GRIN2D: variants seen among roughly 807,000 people sequenced by gnomAD.
GRIN2D encodes the protein glutamate ionotropic receptor NMDA type subunit 2D, also known as glutamate receptor ionotropic, NMDA 2D.
In GRIN2D, 37 loss-of-function variants were observed where a neutral mutation model predicts 103.2. That is an observed-to-expected ratio of 0.36 (90% CI 0.28 to 0.47). GRIN2D has a LOEUF of 0.47. Among genes scored for constraint, GRIN2D ranks in the 20% least tolerant of loss-of-function variants. The probability of loss-of-function intolerance (pLI) is 1.00; values close to 1 mark genes in which losing one functional copy is unlikely to be tolerated. For synonymous variants in GRIN2D, 845 were observed against 885.6 expected (o/e 0.95, Z 0.81); for missense variants, 1,557 against 1,910.6 (o/e 0.81, Z 3.45).
chr19:48,435,385 G>A (rs1004334340), intron 11 of GRIN2D, among the ~76,000 whole-genome samples: 1 of 150,352 alleles, frequency 6.7e-6, no homozygotes, highest in Non-Finnish European at 1.5e-5. Flanking sequence ...CGCCTCCCAG[G>A]TTTAAACAAT....
chr19:48,430,265 T>C (rs1971139263), intron 11 of GRIN2D, among the ~76,000 whole-genome samples: 2 of 152,202 alleles, frequency 1.3e-5, no homozygotes, highest in Admixed American at 6.5e-5. Context: ...AGTGGCGTGA[T>C]CTTGGCTCAC....
At chr19:48,429,557 G>A (rs1452767913) in intron 11 of GRIN2D, among the ~76,000 whole-genome samples, 2 of 151,940 alleles carry the variant, frequency 1.3e-5, no homozygotes, top group East Asian at 1.9e-4. Flanking sequence ...CTGCCACCAC[G>A]CCCAGCTAAC....
chr19:48,395,507 T>G (rs1970628290), intron 2 of GRIN2D, among the ~76,000 whole-genome samples: 1 of 151,758 alleles, frequency 6.6e-6, no homozygotes, highest in African/African-American at 2.4e-5. Context: ...GTGTGTGTGT[T>G]GGGAGGTGAG....
intron 11 of GRIN2D, among the ~76,000 whole-genome samples, chr19:48,437,857 T>C (rs781297765): frequency 3.3e-5 from 5 of 152,194 alleles, no homozygotes; most frequent in Non-Finnish European, 5.9e-5. Flanking sequence ...TTCTCGCCTA[T>C]ACTTATATTC....
At chr19:48,409,132 A>G (rs1121845) in intron 4 of GRIN2D, among the ~76,000 whole-genome samples, 43,865 of 151,752 alleles carry the variant, frequency 0.29, 8,141 homozygotes, top group African/African-American at 0.53. Context: ...GAGAGGAGTG[A>G]GGGAAGATCA....
chr19:48,442,038 C>T lies in GRIN2D; in HGVS notation c.2440+82C>T, dbSNP rs575515660. 7.3e-6 allele frequency: 11 copies of T among 1,514,654 alleles called. No individual in the cohort carries two copies. In the African/African-American group the frequency reaches 1.2e-4, roughly 17 times the overall value. The allele number at this position is 1,514,654 out of a possible 1,614,324, so 93.8% of individuals were successfully genotyped here. A position where few individuals can be genotyped will look rare whatever the true frequency, so the allele number is the denominator to read the frequency against. On this transcript the variant is annotated intron_variant, in intron 12 of 13. Transcript: ENST00000263269. This position sits in a 1 kb window ranked among gnomAD's most constrained non-coding sequence, Gnocchi z 7.2. ...TTCCGGGGAAGAAAGGGACAAAGAC[C>T]CGGACACCAGGGTCTGAGGGAGGAA...
chr19:48,399,478 G>C (rs1223923083), intron 3 of GRIN2D, among the ~76,000 whole-genome samples: 1 of 152,228 alleles, frequency 6.6e-6, no homozygotes, highest in South Asian at 2.1e-4. Flanking sequence ...TGAGGCAAGA[G>C]AATTGCTTGA....
chr19:48,398,806 G>T lies in GRIN2D; in HGVS notation c.414G>T (p.Ser138=). The T allele has an allele frequency of 1.4e-6, 2 of 1,451,792 alleles. No individual in the cohort carries two copies. The highest frequency in any genetic ancestry group is 1.3e-5 in the South Asian group (1 of 75,408). The allele number at this position is 1,451,792 out of a possible 1,614,324, so 89.9% of individuals were successfully genotyped here. Residue 138 remains serine (S), a synonymous_variant, in exon 3 of 14, where the codon TCG becomes TCT. Transcript: ENST00000263269. ...TCGACTTCCTGTCGGCGCAGACCTC[G>T]CTGCCCATCGTGGCCGTGCACGGCG... ...PILDFLSAQT[S]LPIVAVHGGA...
intron 11 of GRIN2D, among the ~76,000 whole-genome samples, chr19:48,434,093 C>T (rs995213755): frequency 6.6e-6 from 1 of 151,608 alleles, no homozygotes; most frequent in Non-Finnish European, 1.5e-5. Flanking sequence ...GGACTACAGG[C>T]GCCCGCCACC....
chr19:48,425,846 C>T (rs979339584), intron 11 of GRIN2D, among the ~76,000 whole-genome samples: 2 of 152,040 alleles, frequency 1.3e-5, no homozygotes, highest in African/African-American at 4.8e-5. Context: ...AAGCGTGCAA[C>T]TCATTATTTA....
rs746025205 is a variant in GRIN2D at position 48,443,298 on chromosome 19, G to A, written c.3372G>A (p.Ala1124=). 5.2e-6 allele frequency: 8 copies of A among 1,538,760 alleles called. No homozygotes were observed. The Admixed American group carries it at 9.3e-5, about 18-fold the overall frequency. Residue 1124 remains alanine (A), a synonymous_variant, in exon 14 of 14, where the codon GCG becomes GCA. Transcript: ENST00000263269. This position sits in a 1 kb window ranked among gnomAD's most constrained non-coding sequence, Gnocchi z 8.9. ...AGGACTCGGAGAGCCTGGGCGGCGC[G>A]TCGCTGGGCGGCCTGGAGCCCTGGT... ...DSEDSESLGG[A]SLGGLEPWWF...
chr19:48,398,419 C>T lies in GRIN2D; in HGVS notation c.27C>T (p.Gly9=). 1 of 1,119,342 alleles carries T rather than the reference C, an allele frequency of 8.9e-7. No individual in the cohort carries two copies. Among genetic ancestry groups the T allele is most frequent in the Non-Finnish European group, 1.1e-6 (1 of 916,924 alleles). The allele number at this position is 1,119,342 out of a possible 1,614,324, so 69.3% of individuals were successfully genotyped here. A position where few individuals can be genotyped will look rare whatever the true frequency, so the allele number is the denominator to read the frequency against. ...TGCGCGGCGCCGGTGGCCCCCGCGG[C>T]CCTCGGGGCCCCGCTAAGATGCTGC... is the stretch of plus-strand genomic sequence containing the variant. MRGAGGPR[G]PRGPAKMLLL... is the part of the protein sequence containing the mutation. The change falls in exon 3 of 14, where the codon GGC becomes GGT. Residue 9 remains glycine (G), a synonymous_variant. Coordinates refer to ENST00000263269, the MANE Select transcript of GRIN2D (RefSeq NM_000836.4).
In GRIN2D at chr19:48,443,956, A is replaced by C. The variant is rs1971346673; in HGVS notation, c.*19A>C. ...GGTATGACGCGGCCCCGGGGGCCCC[A>C]CCGCCCCCTTGGTCAGCGCAGGCCA... is the stretch of plus-strand genomic sequence containing the variant. On this transcript the variant is annotated 3_prime_UTR_variant, in exon 14 of 14. Coordinates refer to ENST00000263269, the MANE Select transcript of GRIN2D (RefSeq NM_000836.4). This position sits in a 1 kb window ranked among gnomAD's most constrained non-coding sequence, Gnocchi z 8.9. 5 of 1,373,892 alleles carry C rather than the reference A, an allele frequency of 3.6e-6. No homozygotes were observed. The East Asian group carries it at 1.5e-4, about 42-fold the overall frequency. 85.1% of individuals were successfully genotyped at this position (1,373,892 alleles called of 1,614,324 possible).
intron 11 of GRIN2D, among the ~76,000 whole-genome samples, chr19:48,425,022 TTCTCTC>T (rs111577135): frequency 2.7e-5 from 4 of 148,780 alleles, no homozygotes; most frequent in South Asian, 2.1e-4. Context: ...AGATTCTCTC[TTCTCTC>T]TCTCTCTCTC....
chr19:48,430,343 C>T (rs868314529), intron 11 of GRIN2D, among the ~76,000 whole-genome samples: 20 of 152,160 alleles, frequency 1.3e-4, no homozygotes, highest in African/African-American at 4.1e-4. Context: ...GGACTACAGG[C>T]GTGCGCCACT....
intron 4 of GRIN2D, among the ~76,000 whole-genome samples, chr19:48,411,073 C>T (rs1026856066): frequency 1.3e-5 from 2 of 152,018 alleles, no homozygotes; most frequent in Non-Finnish European, 2.9e-5. Context: ...CTGGGTACAG[C>T]GGCTCGTGCC....
chr19:48,420,782 C>T (rs983382704), intron 10 of GRIN2D, among the ~76,000 whole-genome samples: 6 of 152,064 alleles, frequency 3.9e-5, no homozygotes, highest in East Asian at 1.9e-4. Flanking sequence ...GCCATGATTA[C>T]GCCACAAATA....
intron 11 of GRIN2D, among the ~76,000 whole-genome samples, chr19:48,439,296 C>G (rs1971265453): frequency 6.6e-6 from 1 of 151,988 alleles, no homozygotes; most frequent in South Asian, 2.1e-4. Flanking sequence ...TACATCCTTA[C>G]CTGTCAGAGC....
rs1243473123 is a variant in GRIN2D at position 48,444,378 on chromosome 19, C to A, written c.*441C>A. 2 of 155,110 alleles carry A rather than the reference C, an allele frequency of 1.3e-5. No individual in the cohort carries two copies. The highest frequency in any genetic ancestry group is 2.9e-5 in the Non-Finnish European group (2 of 70,072). 9.6% of individuals were successfully genotyped at this position (155,110 alleles called of 1,614,324 possible). ...GGGACTCAAAACTGTGAGACGCGTT[C>A]GCCAAACTGTGACCCCAGACCTTGG... On this transcript the variant is annotated 3_prime_UTR_variant, in exon 14 of 14. Transcript: ENST00000263269. The surrounding 1 kb of genome is among the most constrained non-coding windows in gnomAD (Gnocchi z 5.5).
Sources: gnomAD v4.1 joint callset for allele counts (sites outside exome capture counted in the v4.1 genomes callset) on GRCh38, gnomAD v4.1.1 for gene constraint, Gnocchi (gnomAD v3.1) non-coding constraint, MANE v1.5 for transcripts, NCBI Gene and HGNC (gene_info 2026-07-23, HGNC 2026-07-21) for gene names.